The following FRMD4A variants were observed in gnomAD, a reference collection of about 807,000 sequenced individuals.
FRMD4A encodes FERM domain containing 4A.
Under a neutral mutation model 129.1 loss-of-function variants are expected in FRMD4A, and 29 were observed. The observed-to-expected ratio is 0.22, with a 90% confidence interval of 0.17 to 0.31. The LOEUF (loss-of-function observed/expected upper bound fraction) is 0.31. Among genes scored for constraint, FRMD4A ranks in the 10% least tolerant of loss-of-function variants. The pLI is 1.00. For synonymous variants in FRMD4A, 634 were observed against 571.6 expected (o/e 1.11, Z -1.56); for missense variants, 1,272 against 1,375.8 (o/e 0.92, Z 1.19).
chr10:14,076,623 G>C (rs3125588), intron 2 of FRMD4A, among the ~76,000 whole-genome samples: 10,327 of 151,742 alleles, frequency 0.068, 513 homozygotes, highest in East Asian at 0.2. Flanking sequence ...CTGGGCGACA[G>C]AGCGAGACTC....
At chr10:13,875,248 T>C (rs980622874) in intron 2 of FRMD4A, among the ~76,000 whole-genome samples, 2 of 152,076 alleles carry the variant, frequency 1.3e-5, no homozygotes, top group African/African-American at 4.8e-5. Context: ...TCGCTTGAAA[T>C]AGGAAATAGC....
chr10:14,314,696 C>T (rs1337588200), intron 2 of FRMD4A, among the ~76,000 whole-genome samples: 1 of 152,142 alleles, frequency 6.6e-6, no homozygotes, highest in African/African-American at 2.4e-5. Flanking sequence ...TCTCTCTGAG[C>T]TTCCTTCCTT....
chr10:14,165,464 A>G (rs2131876569), intron 2 of FRMD4A, among the ~76,000 whole-genome samples: 1 of 152,368 alleles, frequency 6.6e-6, no homozygotes, highest in South Asian at 2.1e-4. Context: ...AGATTTCTCA[A>G]AGAACTAAAA....
At chr10:14,037,554 G>A (rs371503695) in intron 2 of FRMD4A, among the ~76,000 whole-genome samples, 6 of 152,230 alleles carry the variant, frequency 3.9e-5, no homozygotes, top group African/African-American at 1.4e-4. Context: ...ATGGATATTT[G>A]AATATGTCAC....
chr10:13,697,650 T>C (rs1226610747), intron 14 of FRMD4A, among the ~76,000 whole-genome samples: 1 of 152,100 alleles, frequency 6.6e-6, no homozygotes, highest in Non-Finnish European at 1.5e-5. Context: ...TGTCTGATAT[T>C]GTGGGAACAA....
chr10:13,895,073 C>G (rs2797877), intron 2 of FRMD4A, among the ~76,000 whole-genome samples: 1 of 151,996 alleles, frequency 6.6e-6, no homozygotes, highest in African/African-American at 2.4e-5. Context: ...AAGCATAAAC[C>G]TTTTGGGGCT....
At chr10:14,155,731 G>T (rs1188500807) in intron 2 of FRMD4A, among the ~76,000 whole-genome samples, 4 of 152,176 alleles carry the variant, frequency 2.6e-5, no homozygotes, top group Admixed American at 2.6e-4. Flanking sequence ...GAAAGTAAAT[G>T]TTAGGAAAGA....
chr10:14,037,913 A>C (rs1833577112), intron 2 of FRMD4A, among the ~76,000 whole-genome samples: 1 of 152,230 alleles, frequency 6.6e-6, no homozygotes, highest in African/African-American at 2.4e-5. Context: ...TTTTAAACCA[A>C]GCTTTCATTG....
intron 8 of FRMD4A, among the ~76,000 whole-genome samples, chr10:13,755,373 A>G (rs1799282324): frequency 6.6e-6 from 1 of 152,220 alleles, no homozygotes; most frequent in African/African-American, 2.4e-5. Flanking sequence ...TCAAAGAAAG[A>G]AAGAGAAAAC....
chr10:13,932,860 T>TA (rs1219740748), intron 2 of FRMD4A, among the ~76,000 whole-genome samples: 2 of 152,076 alleles, frequency 1.3e-5, no homozygotes, highest in African/African-American at 2.4e-5. Flanking sequence ...TTGACTAGCT[T>TA]AAAAAAATAT....
intron 2 of FRMD4A, among the ~76,000 whole-genome samples, chr10:14,183,641 T>C (rs1841981114): frequency 6.6e-6 from 1 of 152,138 alleles, no homozygotes; most frequent in African/African-American, 2.4e-5. Flanking sequence ...AATAATGAAA[T>C]TGATGGGCAT....
chr10:14,022,878 A>G (rs1340219029), intron 2 of FRMD4A, among the ~76,000 whole-genome samples: 1 of 152,078 alleles, frequency 6.6e-6, no homozygotes, highest in Non-Finnish European at 1.5e-5. Context: ...TTAAGGAGAG[A>G]ATGGGAAATG....
At chr10:13,768,751 C>G (rs2092365774) in intron 6 of FRMD4A, among the ~76,000 whole-genome samples, 1 of 152,172 alleles carries the variant, frequency 6.6e-6, no homozygotes, top group African/African-American at 2.4e-5. Flanking sequence ...GACTGAACCA[C>G]CTGACCTTGA....
intron 2 of FRMD4A, among the ~76,000 whole-genome samples, chr10:14,056,020 C>T (rs1031469141): frequency 6.6e-6 from 1 of 152,118 alleles, no homozygotes; most frequent in South Asian, 2.1e-4. Context: ...CTGCAAGCTC[C>T]GCCTCCTGGG....
intron 2 of FRMD4A, among the ~76,000 whole-genome samples, chr10:14,000,365 G>C (rs80230717): frequency 0.019 from 2,937 of 152,128 alleles, 90 homozygotes; most frequent in East Asian, 0.14. Flanking sequence ...ATTTCCCCCG[G>C]GGCAGGTGTG....
At position 13,948,168 on chromosome 10, in the gene FRMD4A, C is replaced by A. The variant is rs150019581; in HGVS notation, c.46-89256G>T. On this transcript the variant is annotated intron_variant, in intron 2 of 24. Transcript: ENST00000357447. ...AAATAAATGTTATTCACTTATGCTA[C>A]TAAAATGTCATGTTGAAATATATAT... Among the ~76,000 whole-genome samples, 107 of 151,844 alleles carry A rather than the reference C, an allele frequency of 7.0e-4. 1 individual carries two copies. The highest frequency in any genetic ancestry group is 2.3e-3 in the African/African-American group (94 of 41,404).
chr10:14,129,388 A>ATATG (rs1554766637), intron 2 of FRMD4A, among the ~76,000 whole-genome samples: 2 of 130,036 alleles, frequency 1.5e-5, no homozygotes, highest in Non-Finnish European at 3.2e-5. Context: ...ATATATATAT[A>ATATG]TATATATATA....
At chr10:13,688,410 G>A (rs1274250569) in intron 15 of FRMD4A, among the ~76,000 whole-genome samples, 2 of 152,056 alleles carry the variant, frequency 1.3e-5, no homozygotes, top group Non-Finnish European at 2.9e-5. Flanking sequence ...GGGGGACAGG[G>A]GGAGGGATAG....
chr10:13,851,720 T>C (rs1380211886), intron 3 of FRMD4A, among the ~76,000 whole-genome samples: 1 of 151,924 alleles, frequency 6.6e-6, no homozygotes, highest in Non-Finnish European at 1.5e-5. Flanking sequence ...GCCAACATGG[T>C]GAAACCCTGT....
Sources: gnomAD v4.1 joint callset for allele counts (sites outside exome capture counted in the v4.1 genomes callset) on GRCh38, gnomAD v4.1.1 for gene constraint, MANE v1.5 for transcripts, NCBI Gene and HGNC (gene_info 2026-07-23, HGNC 2026-07-21) for gene names.